The following MRPS18A variants were observed in gnomAD, a reference collection of about 807,000 sequenced individuals.
MRPS18A encodes mitochondrial ribosomal protein S18A, also known as large ribosomal subunit protein mL66.
In MRPS18A, 20 loss-of-function variants were observed where a neutral mutation model predicts 22.7. The observed-to-expected ratio is 0.88, with a 90% CI of 0.62 to 1.28. The LOEUF is 1.28. MRPS18A is among the 50% of genes most tolerant of loss of function. The pLI, the probability that MRPS18A is intolerant of heterozygous loss-of-function variation, is 0.00. For missense variants in MRPS18A, 294 were observed against 262.6 expected (o/e 1.12, Z -0.83); for synonymous variants, 106 against 99.1 (o/e 1.07, Z -0.41).
intron 2 of MRPS18A, among the ~76,000 whole-genome samples, 163 bp from the exon 3 acceptor site, chr6:43,678,788 T>A (rs186229535): frequency 5.9e-5 from 9 of 152,314 alleles, no homozygotes. Context: ...TGGTGTTTAT[T>A]CTGTAGTTGC....
intron 1 of MRPS18A, 148 bp downstream of exon 1, chr6:43,687,520 A>G (rs997841459): frequency 3.6e-5 from 24 of 666,920 alleles, no homozygotes; most frequent in Admixed American, 5.5e-5. Context: ...AGGGTGTGGA[A>G]GGGGCTTTTA....
intron 2 of MRPS18A, among the ~76,000 whole-genome samples, chr6:43,680,704 AAAAG>A (rs1416936629): frequency 1.3e-5 from 2 of 152,240 alleles, no homozygotes; most frequent in African/African-American, 2.4e-5. Context: ...TTCTAGGCAG[AAAAG>A]AAAGGAACTG....
At chr6:43,687,297 G>A (rs759935625) in intron 1 of MRPS18A, among the ~76,000 whole-genome samples, 4 of 152,214 alleles carry the variant, frequency 2.6e-5, no homozygotes, top group Non-Finnish European at 5.9e-5. Flanking sequence ...TACCCAGATG[G>A]CCTTCCTTCG....
intron 1 of MRPS18A, among the ~76,000 whole-genome samples, chr6:43,685,260 A>T (rs1774630513): frequency 6.6e-6 from 1 of 152,116 alleles, no homozygotes; most frequent in African/African-American, 2.4e-5. Context: ...TATTTGAAGC[A>T]GGCACAGTAA....
rs910385617 is a variant in MRPS18A, at chr6:43,671,830, G to T, written c.523C>A (p.Pro175Thr). 3 of 1,614,186 alleles carry T rather than the reference G, an allele frequency of 1.9e-6. No homozygotes were observed. The highest frequency in any genetic ancestry group is 2.5e-6 in the Non-Finnish European group (3 of 1,180,014). ...TCCCTCAGAAGGGGTGACCCCACGG[G>T]CATGCGCACCCTGTTCCAGCGGGGG... ...KGPRWNRVRM[P>T]VGSPLLRDNV... Residue 175 changes from proline to threonine, a missense_variant, in exon 6 of 6, where the codon CCC becomes ACC. Pro to Thr is a conservative substitution (Grantham distance 38). Transcript: ENST00000372133.
At position 43,681,571 on chromosome 6, in the gene MRPS18A, A is replaced by G. The variant is rs117725579; in HGVS notation, c.113-451T>C. 8.5e-5 allele frequency among the ~76,000 whole-genome samples: 13 copies of G among 152,348 alleles called. No individual in the cohort carries two copies. In the East Asian group the frequency reaches 2.3e-3, roughly 27 times the overall value. Reference sequence around the variant, plus strand: ...TGGTTTCTGCTCTGAAGAGTTTACAATGTAAGATATAGCACTGAACTAACA... The same window carrying G: ...TGGTTTCTGCTCTGAAGAGTTTACAGTGTAAGATATAGCACTGAACTAACA... On this transcript the variant is annotated intron_variant, in intron 1 of 5. Coordinates refer to ENST00000372133, the MANE Select transcript of MRPS18A (RefSeq NM_018135.4).
chr6:43,676,883 T>C (rs1010612329), intron 3 of MRPS18A, among the ~76,000 whole-genome samples: 3 of 152,188 alleles, frequency 2.0e-5, no homozygotes, highest in Non-Finnish European at 4.4e-5. Flanking sequence ...CAGAATCTGA[T>C]GAAAAGAACT....
At chr6:43,683,077 G>C (rs1431408249) in intron 1 of MRPS18A, among the ~76,000 whole-genome samples, 5 of 152,108 alleles carry the variant, frequency 3.3e-5, no homozygotes, top group Non-Finnish European at 5.9e-5. Context: ...TAACCATGAG[G>C]TAAACAAGTC....
intron 1 of MRPS18A, among the ~76,000 whole-genome samples, chr6:43,687,354 G>A (rs1469054201): frequency 6.6e-6 from 1 of 152,192 alleles, no homozygotes; most frequent in Non-Finnish European, 1.5e-5. Flanking sequence ...CGGAGAACAT[G>A]GAAGGAAGAA....
chr6:43,687,729 C>A lies in MRPS18A; in HGVS notation c.51G>T (p.Gly17=). 6.3e-7 allele frequency: 1 copy of A among 1,588,576 alleles called. No individual in the cohort carries two copies. Among genetic ancestry groups the A allele is most frequent in the South Asian group, 1.1e-5 (1 of 87,436 alleles). ...TGGTCGCTGCCGGGCCCGCTAGTAG[C>A]CCACGGAGAAGCCGCCCACAGCCGG... ...LVSGCGRLLR[G]LLAGPAATSW... The change falls in exon 1 of 6, where the codon GGG becomes GGT. Residue 17 remains glycine, a synonymous_variant. Coordinates refer to ENST00000372133, the MANE Select transcript of MRPS18A (RefSeq NM_018135.4).
At chr6:43,679,361 C>A (rs74777370) in intron 2 of MRPS18A, among the ~76,000 whole-genome samples, 186 of 152,300 alleles carry the variant, frequency 1.2e-3, no homozygotes, top group South Asian at 5.0e-3. Flanking sequence ...AGCAGATATG[C>A]GTGCACTCGT....
intron 3 of MRPS18A, among the ~76,000 whole-genome samples, chr6:43,677,124 T>A (rs1774098318): frequency 6.6e-6 from 1 of 152,096 alleles, no homozygotes. Context: ...TGCCCTACAG[T>A]GGTTGGGCGG....
rs1241408361 is a variant in MRPS18A, at chr6:43,680,988, G to A, written c.144+101C>T. ...TATGGTCATTGAGGGAGCTGATCCT[G>A]GAGCTGGGCGTCCAGTTTGGGCCCC... is the stretch of plus-strand genomic sequence containing the variant. On this transcript the variant is annotated intron_variant, in intron 2 of 5. Transcript: ENST00000372133. 5 of 1,077,354 alleles carry A rather than the reference G, an allele frequency of 4.6e-6. No individual in the cohort carries two copies. In the African/African-American group the frequency reaches 7.9e-5, roughly 17 times the overall value. 66.7% of individuals were successfully genotyped at this position (1,077,354 alleles called of 1,614,324 possible). A position where few individuals can be genotyped will look rare whatever the true frequency, so the allele number is the denominator to read the frequency against.
intron 2 of MRPS18A, among the ~76,000 whole-genome samples, chr6:43,680,862 C>A (rs988287573): frequency 5.9e-5 from 9 of 152,220 alleles, no homozygotes; most frequent in African/African-American, 2.2e-4. Flanking sequence ...ACACAAAAGG[C>A]CACTTTCATC....
rs149901595 is a variant in MRPS18A, at chr6:43,673,783, A to C, written c.446+1419T>G. On this transcript the variant is annotated intron_variant, in intron 5 of 5. Transcript: ENST00000372133. This position sits in a 1 kb window ranked among gnomAD's most constrained non-coding sequence, Gnocchi z 4.2. ...CAGCATTAAACGAGACTCCCCTGCAAGGGAATCCATTTCCTTCGTAGCCTG... is the reference window on the plus strand; with the variant it reads ...CAGCATTAAACGAGACTCCCCTGCACGGGAATCCATTTCCTTCGTAGCCTG... Among the ~76,000 whole-genome samples, 2 of 152,354 alleles carry C rather than the reference A, an allele frequency of 1.3e-5. No individual in the cohort carries two copies. Among genetic ancestry groups the C allele is most frequent in the African/African-American group, 2.4e-5 (1 of 41,588 alleles).
At chr6:43,684,546 G>A (rs1774587278) in intron 1 of MRPS18A, among the ~76,000 whole-genome samples, 1 of 152,136 alleles carries the variant, frequency 6.6e-6, no homozygotes, top group Non-Finnish European at 1.5e-5. Flanking sequence ...GGACCCCTGA[G>A]GGAATGTCCC....
chr6:43,678,141 A>G (rs1046146771), intron 3 of MRPS18A, among the ~76,000 whole-genome samples: 4 of 152,120 alleles, frequency 2.6e-5, no homozygotes, highest in Non-Finnish European at 5.9e-5. Context: ...CTGGTTGCAC[A>G]TTAGAACCAC....
At chr6:43,686,829 C>T (rs1003593199) in intron 1 of MRPS18A, among the ~76,000 whole-genome samples, 1 of 152,340 alleles carries the variant, frequency 6.6e-6, no homozygotes, top group African/African-American at 2.4e-5. Context: ...TTTCACTCTC[C>T]GCCAGATTCC....
intron 1 of MRPS18A, among the ~76,000 whole-genome samples, chr6:43,681,941 C>A (rs1208891391): frequency 6.6e-6 from 1 of 152,194 alleles, no homozygotes; most frequent in Non-Finnish European, 1.5e-5. Flanking sequence ...AGCCAATAGC[C>A]CACATTCAGC....
Sources: allele counts gnomAD v4.1 joint callset (sites outside exome capture counted in the v4.1 genomes callset), GRCh38; gene constraint gnomAD v4.1.1; non-coding constraint Gnocchi (gnomAD v3.1); transcripts MANE v1.5; gene names NCBI Gene and HGNC (gene_info 2026-07-23, HGNC 2026-07-21).